ANO4: variants seen among roughly 807,000 people sequenced by gnomAD.
ANO4 encodes anoctamin-4.
Under a neutral mutation model 141.9 loss-of-function variants are expected in ANO4, and 69 were observed. That is an observed-to-expected ratio of 0.49 (90% CI 0.40 to 0.59). ANO4 has a LOEUF of 0.59. Ranked by LOEUF, ANO4 falls within the 20% of genes least tolerant of loss-of-function variation. The probability of loss-of-function intolerance (pLI) is 0.00; values close to 1 mark genes in which losing one functional copy is unlikely to be tolerated. For missense variants in ANO4, 894 were observed against 1,162.2 expected, an observed-to-expected ratio of 0.77 and a Z score of 3.36; for synonymous variants, 350 against 394.3, an observed-to-expected ratio of 0.89 and a Z score of 1.33.
chr12:100,823,224 A>G (rs1042194699), intron 1 of ANO4, among the ~76,000 whole-genome samples: 1 of 152,144 alleles, frequency 6.6e-6, no homozygotes, highest in South Asian at 2.1e-4. Flanking sequence ...TGGAAGCCAA[A>G]TGACTTTTTT....
At chr12:100,868,085 T>C (rs1479145613) in intron 1 of ANO4, among the ~76,000 whole-genome samples, 1 of 152,124 alleles carries the variant, frequency 6.6e-6, no homozygotes, top group Non-Finnish European at 1.5e-5. Context: ...ACCACAGCAA[T>C]ATTTCAGAGA....
intron 3 of ANO4, among the ~76,000 whole-genome samples, chr12:100,775,960 C>A (rs2033488163): frequency 6.6e-6 from 1 of 151,748 alleles, no homozygotes; most frequent in Non-Finnish European, 1.5e-5. Context: ...ATTTTTCTTA[C>A]CAGTTGATGA....
rs548368642 is a variant in ANO4 at position 100,878,415 on chromosome 12, A to C, written c.-140-23231A>C. The stretch of plus-strand genomic sequence containing the variant: ...TTGCCTTCTCTATCCATTTGTCCTC[A>C]AGTACCTGATGACACCTCTTGGTGA... On this transcript the variant is annotated intron_variant, in intron 1 of 27. Coordinates refer to ENST00000392977, the MANE Select transcript of ANO4 (RefSeq NM_001286615.2). Among the ~76,000 whole-genome samples, 23 of 152,332 alleles carry C rather than the reference A, an allele frequency of 1.5e-4. 1 individual carries two copies. Among genetic ancestry groups the C allele is most frequent in the Non-Finnish European group, 2.2e-4 (15 of 68,032 alleles).
At chr12:101,099,989 A>G (rs2050131728) in intron 22 of ANO4, among the ~76,000 whole-genome samples, 2 of 152,160 alleles carry the variant, frequency 1.3e-5, no homozygotes, top group Admixed American at 1.3e-4. Context: ...TCCCAGCCCT[A>G]TCATTTATTA....
chr12:100,875,149 G>T (rs1477562509), intron 1 of ANO4, among the ~76,000 whole-genome samples: 2 of 152,248 alleles, frequency 1.3e-5, no homozygotes, highest in South Asian at 2.1e-4. Flanking sequence ...TGTGGTTTGG[G>T]TTTTGTGCCT....
chr12:101,057,068 T>C (rs756213626), intron 14 of ANO4, among the ~76,000 whole-genome samples: 3 of 151,454 alleles, frequency 2.0e-5, no homozygotes, highest in Non-Finnish European at 4.4e-5. Context: ...TGTGTTCTCA[T>C]TGTTCAACTC....
chr12:100,722,170 G>A (rs982009253), intron 1 of ANO4, among the ~76,000 whole-genome samples: 2 of 152,148 alleles, frequency 1.3e-5, no homozygotes, highest in Admixed American at 1.3e-4. Context: ...ACCAAGTCCT[G>A]TTGGTCCTTT....
intron 1 of ANO4, among the ~76,000 whole-genome samples, chr12:100,856,698 A>G (rs1446183665): frequency 2.0e-5 from 3 of 152,120 alleles, no homozygotes; most frequent in Non-Finnish European, 4.4e-5. Flanking sequence ...TGGTGAGGGA[A>G]GGGAGTTTCA....
At chr12:100,982,810 A>C (rs950950683) in intron 7 of ANO4, among the ~76,000 whole-genome samples, 1 of 152,256 alleles carries the variant, frequency 6.6e-6, no homozygotes, top group Non-Finnish European at 1.5e-5. Flanking sequence ...ACTAAAGGTT[A>C]TCATTAATTC....
At chr12:100,819,908 G>A (rs2035942735) in intron 1 of ANO4, among the ~76,000 whole-genome samples, 2 of 151,878 alleles carry the variant, frequency 1.3e-5, no homozygotes, top group Admixed American at 1.3e-4. Context: ...CACCATGAAT[G>A]GTGCCCAAGT....
chr12:100,835,017 C>T (rs1466002337), intron 1 of ANO4, among the ~76,000 whole-genome samples: 1 of 152,112 alleles, frequency 6.6e-6, no homozygotes, highest in Non-Finnish European at 1.5e-5. Context: ...AACCAGACTA[C>T]CATAGATGCG....
chr12:100,977,356 A>G (rs2044244683), intron 7 of ANO4, among the ~76,000 whole-genome samples: 2 of 152,022 alleles, frequency 1.3e-5, no homozygotes, highest in African/African-American at 4.8e-5. Flanking sequence ...TTCTCTATAC[A>G]GGCATTGGCT....
At chr12:101,081,035 G>GTC (rs1235730731) in intron 15 of ANO4, among the ~76,000 whole-genome samples, 1 of 149,916 alleles carries the variant, frequency 6.7e-6, no homozygotes, top group Non-Finnish European at 1.5e-5. Context: ...GTGTGTATGT[G>GTC]TGTGTGTGTG....
intron 3 of ANO4, among the ~76,000 whole-genome samples, chr12:100,783,970 GGA>G (rs2033785734): frequency 7.9e-6 from 1 of 126,790 alleles, no homozygotes; most frequent in Non-Finnish European, 1.7e-5. Flanking sequence ...TGGAGGCCAT[GGA>G]GTGTAGTGTG....
intron 5 of ANO4, among the ~76,000 whole-genome samples, chr12:100,948,690 G>A (rs572835400): frequency 6.0e-4 from 91 of 152,252 alleles, no homozygotes; most frequent in African/African-American, 2.0e-3. Context: ...AAGGTGGCCC[G>A]CGAATGATAG....
At chr12:100,938,658 C>T (rs981061943) in intron 3 of ANO4, among the ~76,000 whole-genome samples, 4 of 152,098 alleles carry the variant, frequency 2.6e-5, no homozygotes, top group South Asian at 2.1e-4. Context: ...TACCTAGAAC[C>T]GTGATATACA....
chr12:100,993,547 T>C (rs905712082), intron 8 of ANO4, among the ~76,000 whole-genome samples: 1 of 151,996 alleles, frequency 6.6e-6, no homozygotes, highest in Admixed American at 6.6e-5. Flanking sequence ...GCATAGAAGT[T>C]TACTTGTTCA....
At position 101,086,836 on chromosome 12, in the gene ANO4, G is replaced by T. The variant is rs766954655; in HGVS notation, c.1701+12G>T. The stretch of plus-strand genomic sequence containing the variant: ...TGTTGCTGAATGTGGTAAGTGAGCT[G>T]CAGTGGCTAGCCAAACGGATCAAAA... On this transcript the variant is annotated intron_variant, in intron 17 of 27. Transcript: ENST00000392977. 1.2e-6 allele frequency: 2 copies of T among 1,610,406 alleles called. No individual in the cohort carries two copies. Among genetic ancestry groups the T allele is most frequent in the East Asian group, 2.2e-5 (1 of 44,770 alleles).
intron 7 of ANO4, 35 bp downstream of exon 7, chr12:100,974,924 T>G (rs762238316): frequency 1.2e-6 from 2 of 1,611,186 alleles, no homozygotes; most frequent in African/African-American, 2.7e-5. Flanking sequence ...AGTGTTTGTC[T>G]TTCTGTTGGC....
Sources: allele counts gnomAD v4.1 joint callset (sites outside exome capture counted in the v4.1 genomes callset), GRCh38; gene constraint gnomAD v4.1.1; transcripts MANE v1.5; gene names NCBI Gene and HGNC (gene_info 2026-07-23, HGNC 2026-07-21).